DLG2: variants seen among roughly 807,000 people sequenced by gnomAD.
DLG2 encodes disks large homolog 2.
DLG2 carries 45 observed loss-of-function variants against 132.5 expected under a neutral mutation model. That is an observed-to-expected ratio of 0.34 (90% CI 0.27 to 0.44). The LOEUF (loss-of-function observed/expected upper bound fraction) is 0.44, where lower values mean the gene tolerates loss of function less well. Ranked by LOEUF, DLG2 falls within the 20% of genes least tolerant of loss-of-function variation. The pLI, the probability that DLG2 is intolerant of heterozygous loss-of-function variation, is 1.00. For missense variants in DLG2, 1,045 were observed against 1,196.9 expected, an observed-to-expected ratio of 0.87 and a Z score of 1.87; for synonymous variants, 424 against 419.6, an observed-to-expected ratio of 1.01 and a Z score of -0.13.
intron 6 of DLG2, among the ~76,000 whole-genome samples, chr11:84,702,661 C>T (rs1398208281): frequency 6.6e-6 from 1 of 151,652 alleles, no homozygotes; most frequent in Non-Finnish European, 1.5e-5. Flanking sequence ...CTCATCCTTT[C>T]CAAGTATTAC....
chr11:83,912,315 T>C (rs988630801), intron 15 of DLG2, among the ~76,000 whole-genome samples: 7 of 152,106 alleles, frequency 4.6e-5, no homozygotes, highest in Non-Finnish European at 7.4e-5. Flanking sequence ...TAAGATGTCT[T>C]GTTTGGGTCC....
At position 85,429,601 on chromosome 11, in the gene DLG2, A is replaced by G. The variant is rs185205742; in HGVS notation, c.41-144236T>C. Among the ~76,000 whole-genome samples the G allele has an allele frequency of 3.5e-3, 537 of 152,270 alleles. 1 individual carries two copies. The highest frequency in any genetic ancestry group is 0.012 in the African/African-American group (500 of 41,550). ...ACATTTATGCAGCCAAAAGACACAT[A>G]AAAAAATGCTCGTCATCACTGGCCA... On this transcript the variant is annotated intron_variant, in intron 3 of 27. Transcript: ENST00000376104.
At chr11:85,237,053 TC>T (rs1285472682) in intron 4 of DLG2, among the ~76,000 whole-genome samples, 1 of 151,982 alleles carries the variant, frequency 6.6e-6, no homozygotes, top group Admixed American at 6.6e-5. Flanking sequence ...ACCATAACAA[TC>T]TGCACACATG....
intron 6 of DLG2, among the ~76,000 whole-genome samples, chr11:84,760,710 G>T (rs1410628833): frequency 6.6e-6 from 1 of 152,128 alleles, no homozygotes; most frequent in African/African-American, 2.4e-5. Context: ...GTTTTTCTCT[G>T]CAGTCCTGTA....
At chr11:83,830,295 A>G (rs1000023429) in intron 17 of DLG2, among the ~76,000 whole-genome samples, 12 of 152,226 alleles carry the variant, frequency 7.9e-5, no homozygotes, top group Non-Finnish European at 1.8e-4. Context: ...CCTGGTAATA[A>G]TATTTAAATG....
At chr11:83,919,831 C>A (rs975155030) in intron 15 of DLG2, among the ~76,000 whole-genome samples, 2 of 152,164 alleles carry the variant, frequency 1.3e-5, no homozygotes, top group African/African-American at 4.8e-5. Flanking sequence ...GGAATAATAT[C>A]TTTACAATTA....
At chr11:83,970,405 T>C (rs1268611798) in intron 12 of DLG2, among the ~76,000 whole-genome samples, 2 of 152,180 alleles carry the variant, frequency 1.3e-5, no homozygotes, top group Admixed American at 6.6e-5. Flanking sequence ...GGAAAGAGGA[T>C]ACTGGGGAGA....
intron 11 of DLG2, among the ~76,000 whole-genome samples, chr11:84,025,798 T>C (rs2095521071): frequency 6.6e-6 from 1 of 152,140 alleles, no homozygotes; most frequent in African/African-American, 2.4e-5. Context: ...TATTTTGTCT[T>C]CTGTCTCCTG....
intron 3 of DLG2, among the ~76,000 whole-genome samples, chr11:85,496,522 C>T (rs917446123): frequency 7.2e-5 from 11 of 152,194 alleles, no homozygotes; most frequent in African/African-American, 2.4e-4. Context: ...CAAACAGCTT[C>T]CCCATACTTA....
At chr11:84,101,140 T>C (rs1393354094) in intron 9 of DLG2, among the ~76,000 whole-genome samples, 2 of 152,178 alleles carry the variant, frequency 1.3e-5, no homozygotes, top group Non-Finnish European at 2.9e-5. Context: ...GGAGTAAGTA[T>C]GTCAGTTTAT....
chr11:84,417,532 C>T (rs1259569572), intron 7 of DLG2, among the ~76,000 whole-genome samples: 2 of 152,106 alleles, frequency 1.3e-5, no homozygotes, highest in African/African-American at 4.8e-5. Flanking sequence ...ATCTATTTGC[C>T]TTCCAGGTCA....
At chr11:84,721,965 G>A (rs1001831356) in intron 6 of DLG2, among the ~76,000 whole-genome samples, 3 of 152,182 alleles carry the variant, frequency 2.0e-5, no homozygotes, top group Non-Finnish European at 4.4e-5. Flanking sequence ...TTCAGAGGTA[G>A]ATATTATTTG....
intron 18 of DLG2, among the ~76,000 whole-genome samples, chr11:83,697,246 A>G (rs2082100075): frequency 6.6e-6 from 1 of 152,232 alleles, no homozygotes; most frequent in Non-Finnish European, 1.5e-5. Context: ...TGAAGTGAAC[A>G]ATATTAAATT....
At chr11:84,500,158 T>C (rs1262114161) in intron 7 of DLG2, among the ~76,000 whole-genome samples, 1 of 152,054 alleles carries the variant, frequency 6.6e-6, no homozygotes, top group African/African-American at 2.4e-5. Context: ...GGTCGTATGA[T>C]AGAGCGAGTT....
chr11:85,081,093 A>C (rs754882687), intron 6 of DLG2, among the ~76,000 whole-genome samples: 25 of 152,164 alleles, frequency 1.6e-4, no homozygotes, highest in Non-Finnish European at 2.6e-4. Context: ...TATTTTGATA[A>C]AACATTAAAG....
chr11:84,331,355 G>A (rs1053042765), intron 7 of DLG2, among the ~76,000 whole-genome samples: 1 of 151,140 alleles, frequency 6.6e-6, no homozygotes, highest in Admixed American at 6.6e-5. Flanking sequence ...AGGTCATGCA[G>A]CTATTAAATA....
chr11:84,984,952 T>C (rs1270288424), intron 6 of DLG2, among the ~76,000 whole-genome samples: 3 of 152,158 alleles, frequency 2.0e-5, no homozygotes, highest in East Asian at 1.9e-4. Flanking sequence ...CCTAAATATA[T>C]GCAGCTAACA....
chr11:83,651,907 T>C (rs1240837603), intron 18 of DLG2: 1 of 470,846 alleles, frequency 2.1e-6, no homozygotes, highest in Non-Finnish European at 4.4e-6. Context: ...GAAGCCCTGG[T>C]GAAATCTTAT....
intron 4 of DLG2, among the ~76,000 whole-genome samples, chr11:85,227,629 C>A (rs2075053485): frequency 6.6e-6 from 1 of 152,080 alleles, no homozygotes; most frequent in South Asian, 2.1e-4. Context: ...GGAGTTTAAT[C>A]TTCACACTGC....
Sources: allele counts gnomAD v4.1 joint callset (sites outside exome capture counted in the v4.1 genomes callset), GRCh38; gene constraint gnomAD v4.1.1; transcripts MANE v1.5; gene names NCBI Gene and HGNC (gene_info 2026-07-23, HGNC 2026-07-21).